FOXN3: variants seen among roughly 807,000 people sequenced by gnomAD.
FOXN3 encodes forkhead box N3.
A neutral mutation model predicts 38.4 loss-of-function variants in FOXN3; 7 were observed. The ratio of observed to expected loss-of-function variants is 0.18; its 90% CI spans 0.10 to 0.34. The LOEUF is 0.34. Among genes scored for constraint, FOXN3 ranks in the 10% least tolerant of loss-of-function variants. FOXN3 has a pLI of 1.00. For synonymous variants in FOXN3, 230 were observed against 242.2 expected (o/e 0.95, Z 0.47); for missense variants, 456 against 613.4 (o/e 0.74, Z 2.71).
chr14:89,373,523 T>C (rs1248705166), intron 2 of FOXN3, among the ~76,000 whole-genome samples: 5 of 152,158 alleles, frequency 3.3e-5, no homozygotes. Context: ...CCTTAACTCT[T>C]TTCTGTAGCT....
intron 4 of FOXN3, among the ~76,000 whole-genome samples, chr14:89,256,619 A>T (rs1436501095): frequency 6.6e-6 from 1 of 152,160 alleles, no homozygotes; most frequent in Non-Finnish European, 1.5e-5. Context: ...AGCAAGGTGT[A>T]TTCTCAAGCT....
rs183461895 is a variant in FOXN3 at position 89,484,471 on chromosome 14, T to C, written c.-14-71981A>G. ...AAATTTGCATTCCATATACATTTCA[T>C]AAGGCACAAAATTTTATTCTTTTAA... is the stretch of plus-strand genomic sequence containing the variant. On this transcript the variant is annotated intron_variant, in intron 1 of 6. Coordinates refer to the FOXN3 transcript ENST00000345097. This position sits in a 1 kb window ranked among gnomAD's most constrained non-coding sequence, Gnocchi z 4.0. Among the ~76,000 whole-genome samples, 31 of 152,340 alleles carry C rather than the reference T, an allele frequency of 2.0e-4. No individual in the cohort carries two copies. Among genetic ancestry groups the C allele is most frequent in the African/African-American group, 7.2e-4 (30 of 41,594 alleles).
At chr14:89,172,116 A>T (rs908685641) in intron 5 of FOXN3, among the ~76,000 whole-genome samples, 1 of 152,254 alleles carries the variant, frequency 6.6e-6, no homozygotes, top group African/African-American at 2.4e-5. Flanking sequence ...CATGAAAAAG[A>T]ATCTATTCCA....
intron 3 of FOXN3, among the ~76,000 whole-genome samples, chr14:89,334,022 G>GGT: frequency 1.9e-5 from 1 of 52,350 alleles, no homozygotes; most frequent in African/African-American, 6.5e-5. Flanking sequence ...ATATAAATGT[G>GGT]GTATACACAC....
intron 4 of FOXN3, among the ~76,000 whole-genome samples, chr14:89,245,296 C>T (rs778209030): frequency 2.0e-5 from 3 of 152,178 alleles, no homozygotes; most frequent in Admixed American, 6.5e-5. Context: ...TGACGCTCCA[C>T]GGATCTACTG....
intron 2 of FOXN3, among the ~76,000 whole-genome samples, chr14:89,397,983 T>A (rs1054185252): frequency 6.6e-6 from 1 of 152,154 alleles, no homozygotes; most frequent in African/African-American, 2.4e-5. Context: ...TCAAGGGACC[T>A]CCTCTCTCCC....
At chr14:89,319,058 A>G (rs1485493223) in intron 3 of FOXN3, among the ~76,000 whole-genome samples, 1 of 152,228 alleles carries the variant, frequency 6.6e-6, no homozygotes, top group Non-Finnish European at 1.5e-5. Context: ...GACAAAATCA[A>G]TAGGATGTTG....
intron 1 of FOXN3, among the ~76,000 whole-genome samples, chr14:89,617,292 T>C (rs1312956674): frequency 1.3e-5 from 2 of 152,188 alleles, no homozygotes; most frequent in Non-Finnish European, 2.9e-5. Flanking sequence ...CTTACAGATA[T>C]AACATTTCAC....
intron 1 of FOXN3, among the ~76,000 whole-genome samples, chr14:89,485,316 C>A (rs1020370744): frequency 2.0e-5 from 3 of 152,136 alleles, no homozygotes; most frequent in Non-Finnish European, 4.4e-5. Flanking sequence ...AGCCCTCCCC[C>A]TTGAGACCCT....
chr14:89,328,145 T>C (rs1888130443), intron 3 of FOXN3, among the ~76,000 whole-genome samples: 1 of 152,256 alleles, frequency 6.6e-6, no homozygotes, highest in African/African-American at 2.4e-5. Flanking sequence ...TCATGTTACA[T>C]TAGATTTGTT....
chr14:89,557,516 G>T (rs966235186), intron 1 of FOXN3, among the ~76,000 whole-genome samples: 2 of 152,124 alleles, frequency 1.3e-5, no homozygotes, highest in African/African-American at 4.8e-5. Flanking sequence ...CAGCCAGCCA[G>T]CCCCAGGAGC....
chr14:89,421,528 A>AGATTTTTTTTTTTTTTTTTTTTTTTT (rs56659540), upstream of FOXN3, among the ~76,000 whole-genome samples: 2 of 144,750 alleles, frequency 1.4e-5, 1 homozygote. Context: ...ACCCAGGGAA[A>AGATTTTTTTTTTTTTTTTTTTTTTTT]TTTTTTTTTT....
chr14:89,377,312 A>AAAAAAAATAAAT (rs142467882), intron 2 of FOXN3, among the ~76,000 whole-genome samples: 1 of 149,644 alleles, frequency 6.7e-6, no homozygotes, highest in Admixed American at 6.7e-5. Flanking sequence ...ATGCTGGTAA[A>AAAAAAAATAAAT]AAATAAATAA....
Position 89,161,596 on chromosome 14 carries a change from T to TGCGC in FOXN3, c.*817_*818insGCGC, listed in dbSNP as rs1555407820. 7.3e-6 allele frequency: 1 copy of TGCGC among 136,624 alleles called. No homozygotes were observed. The highest frequency in any genetic ancestry group is 1.6e-5 in the Non-Finnish European group (1 of 62,790). The allele number at this position is 136,624 out of a possible 1,614,324, so 8.5% of individuals were successfully genotyped here. A position where few individuals can be genotyped will look rare whatever the true frequency, so the allele number is the denominator to read the frequency against. On this transcript the variant is annotated 3_prime_UTR_variant, in exon 6 of 6. Coordinates refer to ENST00000557258, the MANE Select transcript of FOXN3 (RefSeq NM_005197.4). ...GTGTGTGTGTGTGTGTGTGTGTGTG[T>TGCGC]GCGTGCGTGCACAGGGCCAATCTTC...
chr14:89,258,481 T>G (rs1393664032), intron 4 of FOXN3, among the ~76,000 whole-genome samples: 1 of 152,196 alleles, frequency 6.6e-6, no homozygotes, highest in Non-Finnish European at 1.5e-5. Flanking sequence ...AGTGAAGGCA[T>G]GCAGGTATGT....
chr14:89,340,941 T>G (rs1309417210), intron 3 of FOXN3, among the ~76,000 whole-genome samples: 9 of 152,164 alleles, frequency 5.9e-5, no homozygotes, highest in Non-Finnish European at 8.8e-5. Context: ...GCCTGACCTC[T>G]CATTGCTGGC....
chr14:89,480,159 A>G (rs1234642972), intron 1 of FOXN3, among the ~76,000 whole-genome samples: 6 of 152,218 alleles, frequency 3.9e-5, no homozygotes, highest in Non-Finnish European at 8.8e-5. Context: ...ACAGGATTCT[A>G]GCCTCTTAAG....
intron 3 of FOXN3, among the ~76,000 whole-genome samples, chr14:89,310,075 GCTCT>G (rs543678015): frequency 6.6e-6 from 1 of 152,202 alleles, no homozygotes; most frequent in Non-Finnish European, 1.5e-5. Context: ...TCCAGCAACG[GCTCT>G]CTAAATTCCC....
intron 1 of FOXN3, among the ~76,000 whole-genome samples, chr14:89,536,020 T>C (rs1894677687): frequency 6.6e-6 from 1 of 152,230 alleles, no homozygotes; most frequent in Admixed American, 6.5e-5. Context: ...AAAGATTAAA[T>C]AGTTGTAAAT....
Sources: gnomAD v4.1 joint callset for allele counts (sites outside exome capture counted in the v4.1 genomes callset) on GRCh38, gnomAD v4.1.1 for gene constraint, Gnocchi (gnomAD v3.1) non-coding constraint, MANE v1.5 for transcripts, NCBI Gene and HGNC (gene_info 2026-07-23, HGNC 2026-07-21) for gene names.